The following PBX1 variants were observed in gnomAD, a reference collection of about 807,000 sequenced individuals.
PBX1 encodes the protein pre-B-cell leukemia transcription factor 1.
Under a neutral mutation model 53.4 loss-of-function variants are expected in PBX1, and 6 were observed. The observed-to-expected ratio is 0.11, with a 90% confidence interval of 0.06 to 0.22. The LOEUF (loss-of-function observed/expected upper bound fraction) is 0.22, where lower values mean the gene tolerates loss of function less well. Ranked by LOEUF, PBX1 falls within the 10% of genes least tolerant of loss-of-function variation. The pLI, the probability that PBX1 is intolerant of heterozygous loss-of-function variation, is 1.00. For missense variants in PBX1, 251 were observed against 551.4 expected, an observed-to-expected ratio of 0.46 and a Z score of 5.46; for synonymous variants, 204 against 212.3, an observed-to-expected ratio of 0.96 and a Z score of 0.34.
At chr1:164,824,093 A>G (rs1480049469) in intron 8 of PBX1, among the ~76,000 whole-genome samples, 1 of 152,188 alleles carries the variant, frequency 6.6e-6, no homozygotes, top group Non-Finnish European at 1.5e-5. Context: ...CCAAAGCTGC[A>G]GTGGAATTCC....
chr1:164,786,027 G>A (rs1668155682), intron 2 of PBX1, among the ~76,000 whole-genome samples: 1 of 152,182 alleles, frequency 6.6e-6, no homozygotes, highest in Admixed American at 6.5e-5. Flanking sequence ...TGGAAGAGGT[G>A]GCAGAGAGAA....
rs113362684 is a variant in PBX1 at position 164,843,101 on chromosome 1, G to A, written c.1201-3483G>A. On this transcript the variant is annotated intron_variant, in intron 8 of 8. Coordinates refer to ENST00000420696, the MANE Select transcript of PBX1 (RefSeq NM_002585.4). ...TCCCAAGACGGTGCAGCCTCTGAAC[G>A]TCTTCCATCACAGCTAGAATGATAC... Among the ~76,000 whole-genome samples, 644 of 152,206 alleles carry A rather than the reference G, an allele frequency of 4.2e-3. 2 individuals carry two copies. The highest frequency in any genetic ancestry group is 0.013 in the African/African-American group (531 of 41,512).
At chr1:164,583,283 G>GAA (rs35998948) in intron 2 of PBX1, among the ~76,000 whole-genome samples, 6 of 144,098 alleles carry the variant, frequency 4.2e-5, no homozygotes, top group Admixed American at 2.1e-4. Context: ...AGAGAGGCGG[G>GAA]AAAAAAAAAA....
At chr1:164,589,281 T>G (rs1655190415) in intron 2 of PBX1, among the ~76,000 whole-genome samples, 1 of 152,080 alleles carries the variant, frequency 6.6e-6, no homozygotes, top group Non-Finnish European at 1.5e-5. Flanking sequence ...ACACACAGCA[T>G]TCCCAAGTTG....
At chr1:164,799,216 C>G (rs1013689192) in intron 3 of PBX1, among the ~76,000 whole-genome samples, 1 of 152,234 alleles carries the variant, frequency 6.6e-6, no homozygotes, top group East Asian at 1.9e-4. Flanking sequence ...ATCAGCCAGG[C>G]GCAGTGGCTC....
intron 2 of PBX1, among the ~76,000 whole-genome samples, chr1:164,672,004 T>A (rs921577003): frequency 2.0e-5 from 3 of 151,274 alleles, no homozygotes; most frequent in Non-Finnish European, 2.9e-5. Flanking sequence ...TTATTTTTCA[T>A]GCATTTTTCT....
intron 1 of PBX1, 101 bp from the exon 2 acceptor site, chr1:164,563,137 A>G (rs1267564115): frequency 1.5e-5 from 11 of 743,488 alleles, no homozygotes; most frequent in Middle Eastern, 2.4e-4. Context: ...AGGGTTGGGT[A>G]TATAATTTTG....
In PBX1 at chr1:164,848,973, C is replaced by T; in HGVS notation, c.*2297C>T. 1 of 1,095,150 alleles carries T rather than the reference C, an allele frequency of 9.1e-7. No homozygotes were observed. Among genetic ancestry groups the T allele is most frequent in the Non-Finnish European group, 1.1e-6 (1 of 898,938 alleles). The allele number at this position is 1,095,150 out of a possible 1,614,324, so 67.8% of individuals were successfully genotyped here. A position where few individuals can be genotyped will look rare whatever the true frequency, so the allele number is the denominator to read the frequency against. ...GCACTAGAAAGGTTGTGTCTACTAA[C>T]TTCAGCCCTAATCAGAACAGATGCC... On this transcript the variant is annotated 3_prime_UTR_variant, in exon 9 of 9. Coordinates refer to ENST00000420696, the MANE Select transcript of PBX1 (RefSeq NM_002585.4).
intron 2 of PBX1, among the ~76,000 whole-genome samples, chr1:164,614,504 A>G (rs1011870588): frequency 2.0e-5 from 3 of 151,690 alleles, no homozygotes; most frequent in African/African-American, 7.3e-5. Context: ...TACCTCCCCT[A>G]TTCTCTATGT....
At chr1:164,672,091 T>C (rs1208272993) in intron 2 of PBX1, among the ~76,000 whole-genome samples, 1 of 150,492 alleles carries the variant, frequency 6.6e-6, no homozygotes, top group Non-Finnish European at 1.5e-5. Flanking sequence ...TATACAGCCC[T>C]CCCTTCTCTC....
In PBX1 at chr1:164,559,656, G is replaced by T. The variant is rs1652875389; in HGVS notation, c.-167G>T. ...CCTCATCCTCCCACCATCCTCTAAAGAGGCAAAGGGATTTTTTTTTTCTTT... is the reference window on the plus strand; with the variant it reads ...CCTCATCCTCCCACCATCCTCTAAATAGGCAAAGGGATTTTTTTTTTCTTT... On this transcript the variant is annotated 5_prime_UTR_variant, in exon 1 of 9. Transcript: ENST00000420696. 1 of 292,418 alleles carries T rather than the reference G, an allele frequency of 3.4e-6. No individual in the cohort carries two copies. Among genetic ancestry groups the T allele is most frequent in the Non-Finnish European group, 6.0e-6 (1 of 165,866 alleles). The allele number at this position is 292,418 out of a possible 1,614,324, so 18.1% of individuals were successfully genotyped here.
At chr1:164,607,431 A>T (rs1656631893) in intron 2 of PBX1, among the ~76,000 whole-genome samples, 1 of 152,186 alleles carries the variant, frequency 6.6e-6, no homozygotes, top group Non-Finnish European at 1.5e-5. Context: ...CTAGTTTGTA[A>T]GTGAAGAATA....
rs187659902 is a variant in PBX1 at position 164,770,809 on chromosome 1, A to G, written c.266-21685A>G. 2.6e-5 allele frequency: 4 copies of G among 152,340 alleles called. No homozygotes were observed. In the East Asian group the frequency reaches 7.7e-4, roughly 29 times the overall value. The allele number at this position is 152,340 out of a possible 1,614,324, so 9.4% of individuals were successfully genotyped here. ...CATAGGCTTGAGATACATGCAAAGA[A>G]GAGGGTGAAGACAGCCGTGACCTCT... On this transcript the variant is annotated intron_variant, in intron 2 of 8. Coordinates refer to ENST00000420696, the MANE Select transcript of PBX1 (RefSeq NM_002585.4).
intron 2 of PBX1, among the ~76,000 whole-genome samples, chr1:164,792,183 C>T (rs925064256): frequency 3.3e-5 from 5 of 152,108 alleles, no homozygotes; most frequent in Non-Finnish European, 7.4e-5. Context: ...TGAAATTCTG[C>T]GCTCATTAAA....
chr1:164,576,318 C>A (rs912662383), intron 2 of PBX1, among the ~76,000 whole-genome samples: 1 of 152,220 alleles, frequency 6.6e-6, no homozygotes, highest in African/African-American at 2.4e-5. Context: ...AACCCCCTCG[C>A]AAATCTGTTG....
intron 2 of PBX1, among the ~76,000 whole-genome samples, chr1:164,693,779 A>G (rs974000093): frequency 6.6e-6 from 1 of 152,170 alleles, no homozygotes; most frequent in African/African-American, 2.4e-5. Flanking sequence ...AGATCTGTCC[A>G]TAGACTCCTG....
intron 2 of PBX1, among the ~76,000 whole-genome samples, chr1:164,875,659 C>T (rs967917144): frequency 4.6e-5 from 7 of 152,070 alleles, no homozygotes; most frequent in African/African-American, 9.7e-5. Context: ...CTTGAGCCAC[C>T]GGCAGGCTCA....
intron 2 of PBX1, among the ~76,000 whole-genome samples, chr1:164,729,808 G>A (rs919706828): frequency 6.6e-6 from 1 of 151,936 alleles, no homozygotes; most frequent in African/African-American, 2.4e-5. Flanking sequence ...AGTATAATAA[G>A]CAAAAGACAG....
rs185145708 is a variant in PBX1, at chr1:164,747,440, A to G, written c.266-45054A>G. ...AGAAGATAACTTTGGTCATGCTTATATTCTTGGCCTGTTATGGATGTAACA... is the reference window on the plus strand; with the variant it reads ...AGAAGATAACTTTGGTCATGCTTATGTTCTTGGCCTGTTATGGATGTAACA... On this transcript the variant is annotated intron_variant, in intron 2 of 8. Transcript: ENST00000420696. Among the ~76,000 whole-genome samples, 338 of 152,174 alleles carry G rather than the reference A, an allele frequency of 2.2e-3. 1 individual carries two copies. The highest frequency in any genetic ancestry group is 7.8e-3 in the African/African-American group (322 of 41,512).
Sources: allele counts gnomAD v4.1 joint callset (sites outside exome capture counted in the v4.1 genomes callset), GRCh38; gene constraint gnomAD v4.1.1; transcripts MANE v1.5; gene names NCBI Gene and HGNC (gene_info 2026-07-23, HGNC 2026-07-21).